Variants in ZDHHC11B observed in about 807,000 individuals in gnomAD.
ZDHHC11B encodes zDHHC palmitoyltransferase 11B (putative), also known as probable palmitoyltransferase ZDHHC11B.
A neutral mutation model predicts 42.3 loss-of-function variants in ZDHHC11B; 17 were observed. The observed-to-expected ratio is 0.40, with a 90% CI of 0.27 to 0.60. The LOEUF is 0.60. Among genes scored for constraint, ZDHHC11B ranks in the 20% least tolerant of loss-of-function variants. The probability of loss-of-function intolerance (pLI) is 0.41; values close to 1 mark genes in which losing one functional copy is unlikely to be tolerated. For missense variants in ZDHHC11B, 262 were observed against 463.2 expected, an observed-to-expected ratio of 0.57 and a Z score of 3.99; for synonymous variants, 123 against 193.5, an observed-to-expected ratio of 0.64 and a Z score of 3.02.
chr5:771,476 G>A (rs1163063769), intron 1 of ZDHHC11B, among the ~76,000 whole-genome samples: 8 of 150,196 alleles, frequency 5.3e-5, no homozygotes, highest in Non-Finnish European at 9.0e-5. Context: ...GGGCAGGACC[G>A]CGTGGGGGCA....
At chr5:780,220 A>C (rs1306812453) in intron 1 of ZDHHC11B, among the ~76,000 whole-genome samples, 1 of 151,042 alleles carries the variant, frequency 6.6e-6, no homozygotes, top group African/African-American at 2.4e-5. Flanking sequence ...TAGATCCCAG[A>C]CTCAACGGCT....
rs1448482900 is a variant in ZDHHC11B at position 749,198 on chromosome 5, T to G, written c.629-639A>C. ...TGGCCCACGCTGTGTCCCTGGACCC[T>G]CTGCACCCTAAAACAGCCGCCTTCA... is the stretch of plus-strand genomic sequence containing the variant. On this transcript the variant is annotated intron_variant, in intron 7 of 13. Coordinates refer to ENST00000508859, the MANE Select transcript of ZDHHC11B (RefSeq NM_001351303.2). Among the ~76,000 whole-genome samples the G allele has an allele frequency of 1.4e-4, 18 of 130,092 alleles. 6 individuals are homozygous for G. In the South Asian group the frequency reaches 5.7e-3, roughly 41 times the overall value. The allele number at this position is 130,092 out of a possible 152,430, so 85.3% of individuals were successfully genotyped here. A position where few individuals can be genotyped will look rare whatever the true frequency, so the allele number is the denominator to read the frequency against.
chr5:740,259 C>T (rs1744022052), intron 10 of ZDHHC11B, among the ~76,000 whole-genome samples: 1 of 114,932 alleles, frequency 8.7e-6, no homozygotes, highest in African/African-American at 2.8e-5. Flanking sequence ...CACCTTGTTC[C>T]CCAAAACTAT....
chr5:746,245 G>T (rs1188771057), intron 8 of ZDHHC11B, among the ~76,000 whole-genome samples: 2 of 146,402 alleles, frequency 1.4e-5, no homozygotes, highest in African/African-American at 2.5e-5. Context: ...TGGGGCGGCC[G>T]CCCACAGAGG....
intron 11 of ZDHHC11B, among the ~76,000 whole-genome samples, chr5:733,397 T>C (rs1347016168): frequency 6.6e-6 from 1 of 151,786 alleles, no homozygotes; most frequent in Non-Finnish European, 1.5e-5. Context: ...CTGCCATGGC[T>C]ACCAATCTCC....
chr5:776,805 G>T (rs408244), intron 1 of ZDHHC11B, among the ~76,000 whole-genome samples: 1 of 151,656 alleles, frequency 6.6e-6, no homozygotes, highest in Admixed American at 6.6e-5. Context: ...GGCGGCTCAG[G>T]TCCCATTCCT....
intron 10 of ZDHHC11B, among the ~76,000 whole-genome samples, chr5:736,620 C>A (rs1360819375): frequency 7.0e-6 from 1 of 142,622 alleles, no homozygotes; most frequent in Non-Finnish European, 1.5e-5. Flanking sequence ...CATCAAGTAT[C>A]TTTTCAGACC....
At chr5:783,734 C>CATA (rs1737033245) in intron 1 of ZDHHC11B, among the ~76,000 whole-genome samples, 2 of 135,128 alleles carry the variant, frequency 1.5e-5, no homozygotes, top group Non-Finnish European at 3.2e-5. Flanking sequence ...AGCCCCCAAC[C>CATA]CCCATCAAAA....
chr5:715,154 T>C (rs1169950891), intron 13 of ZDHHC11B, among the ~76,000 whole-genome samples: 11 of 150,816 alleles, frequency 7.3e-5, no homozygotes, highest in Admixed American at 7.3e-4. Flanking sequence ...TTCTTTGTAG[T>C]AACACTGATA....
At position 752,614 on chromosome 5, in the gene ZDHHC11B, G is replaced by A. The variant is rs1269932357; in HGVS notation, c.504-1357C>T. Among the ~76,000 whole-genome samples the A allele has an allele frequency of 7.4e-5, 7 of 94,834 alleles. 1 individual carries two copies. Among genetic ancestry groups the A allele is most frequent in the Admixed American group, 4.1e-4 (3 of 7,284 alleles). The allele number at this position is 94,834 out of a possible 152,430, so 62.2% of individuals were successfully genotyped here. A position where few individuals can be genotyped will look rare whatever the true frequency, so the allele number is the denominator to read the frequency against. ...CAGAGCATGAATGCCGCAGTCGTCC[G>A]AAGACGCAGTTAGGGCACAGCTGCC... is the stretch of plus-strand genomic sequence containing the variant. On this transcript the variant is annotated intron_variant, in intron 6 of 13. Transcript: ENST00000508859.
intron 12 of ZDHHC11B, among the ~76,000 whole-genome samples, chr5:726,458 A>T (rs4292486): frequency 1.1e-4 from 15 of 131,422 alleles, no homozygotes; most frequent in African/African-American, 4.4e-4. Flanking sequence ...TGGTGTTGGT[A>T]TAACACTTTT....
chr5:764,785 G>A lies in ZDHHC11B; in HGVS notation c.222+1913C>T, dbSNP rs370968017. ...CTGGCAGGCAGCTCCACCTGCCCCCGGTGTGGGAGCCACTAGGTGAAGCCA... is the reference window on the plus strand; with the variant it reads ...CTGGCAGGCAGCTCCACCTGCCCCCAGTGTGGGAGCCACTAGGTGAAGCCA... On this transcript the variant is annotated intron_variant, in intron 4 of 13. Coordinates refer to ENST00000508859, the MANE Select transcript of ZDHHC11B (RefSeq NM_001351303.2). 9.2e-5 allele frequency among the ~76,000 whole-genome samples: 14 copies of A among 151,940 alleles called. 2 individuals are homozygous for A. The highest frequency in any genetic ancestry group is 2.2e-4 in the African/African-American group (9 of 41,352).
At chr5:784,033 C>T (rs1260351965) in intron 1 of ZDHHC11B, among the ~76,000 whole-genome samples, 1 of 151,506 alleles carries the variant, frequency 6.6e-6, no homozygotes, top group Non-Finnish European at 1.5e-5. Flanking sequence ...GAAGGTGTCC[C>T]GGCAGCGCCT....
intron 10 of ZDHHC11B, among the ~76,000 whole-genome samples, chr5:736,233 T>A (rs558743193): frequency 6.7e-6 from 1 of 150,068 alleles, no homozygotes; most frequent in East Asian, 2.0e-4. Context: ...AGCAACACTA[T>A]ACGATGATAA....
chr5:710,991 C>T lies in ZDHHC11B; in HGVS notation c.*1299G>A, dbSNP rs185726579. 1.4e-4 allele frequency: 21 copies of T among 152,738 alleles called. No individual in the cohort carries two copies. The highest frequency in any genetic ancestry group is 4.7e-4 in the African/African-American group (19 of 40,428). The allele number at this position is 152,738 out of a possible 1,614,324, so 9.5% of individuals were successfully genotyped here. A position where few individuals can be genotyped will look rare whatever the true frequency, so the allele number is the denominator to read the frequency against. ...GCTCCCATTTCCAAATACTGTGCTC[C>T]ATTTCCCAGTACTGTGAGCTCCCAT... On this transcript the variant is annotated 3_prime_UTR_variant, in exon 14 of 14. Coordinates refer to ENST00000508859, the MANE Select transcript of ZDHHC11B (RefSeq NM_001351303.2).
intron 4 of ZDHHC11B, among the ~76,000 whole-genome samples, chr5:758,682 C>G (rs1250203798): frequency 2.0e-5 from 3 of 151,724 alleles, no homozygotes; most frequent in Admixed American, 6.6e-5. Flanking sequence ...GGACTCCCCC[C>G]CACCAAGATT....
chr5:777,858 C>A (rs1736661545), intron 1 of ZDHHC11B, among the ~76,000 whole-genome samples: 1 of 151,860 alleles, frequency 6.6e-6, no homozygotes, highest in African/African-American at 2.4e-5. Context: ...TCCATGGGAC[C>A]CGGCGGGGGC....
At chr5:724,290 T>A (rs1742399268) in intron 12 of ZDHHC11B, among the ~76,000 whole-genome samples, 1 of 147,682 alleles carries the variant, frequency 6.8e-6, no homozygotes, top group African/African-American at 2.5e-5. Context: ...ACTGCAACCT[T>A]CACCTCCCAG....
At chr5:723,118 TTGTTG>T (rs1453294490) in intron 12 of ZDHHC11B, among the ~76,000 whole-genome samples, 1 of 151,068 alleles carries the variant, frequency 6.6e-6, no homozygotes, top group African/African-American at 2.5e-5. Context: ...GACTCCGCTT[TTGTTG>T]TTGGTGCTTC....
Sources: allele counts gnomAD v4.1 joint callset (sites outside exome capture counted in the v4.1 genomes callset), GRCh38; gene constraint gnomAD v4.1.1; transcripts MANE v1.5; gene names NCBI Gene and HGNC (gene_info 2026-07-23, HGNC 2026-07-21).